ASIC2: variants seen among roughly 807,000 people sequenced by gnomAD.
ASIC2 encodes the protein acid-sensing ion channel 2.
In ASIC2, 25 loss-of-function variants were observed where a neutral mutation model predicts 57.3. The observed-to-expected ratio is 0.44, with a 90% confidence interval of 0.32 to 0.61. The LOEUF is 0.61. Ranked by LOEUF, ASIC2 falls within the 20% of genes least tolerant of loss-of-function variation. The probability of loss-of-function intolerance (pLI) is 0.06; values close to 1 mark genes in which losing one functional copy is unlikely to be tolerated. For synonymous variants in ASIC2, 319 were observed against 307.5 expected, an observed-to-expected ratio of 1.04 and a Z score of -0.39; for missense variants, 641 against 738.1, an observed-to-expected ratio of 0.87 and a Z score of 1.52.
intron 1 of ASIC2, among the ~76,000 whole-genome samples, chr17:33,258,719 A>C (rs2142141548): frequency 6.6e-6 from 1 of 152,328 alleles, no homozygotes; most frequent in South Asian, 2.1e-4. Flanking sequence ...CAAGACATAT[A>C]CAATGTTCTC....
At chr17:33,998,195 T>C (rs1472478244) in intron 1 of ASIC2, among the ~76,000 whole-genome samples, 6 of 152,140 alleles carry the variant, frequency 3.9e-5, no homozygotes, top group Non-Finnish European at 7.4e-5. Context: ...CTCATAGTAC[T>C]CCCTTATGAT....
intron 1 of ASIC2, among the ~76,000 whole-genome samples, chr17:33,236,663 G>A (rs565810934): frequency 6.6e-6 from 1 of 152,198 alleles, no homozygotes; most frequent in South Asian, 2.1e-4. Flanking sequence ...CTTTAGAGAT[G>A]TAATTAGTTG....
intron 1 of ASIC2, among the ~76,000 whole-genome samples, chr17:33,959,751 G>A (rs1035867870): frequency 2.0e-5 from 3 of 152,208 alleles, no homozygotes; most frequent in African/African-American, 7.2e-5. Context: ...TTGAAGGTTG[G>A]TCTGCCTCTC....
At chr17:33,651,810 C>A (rs983891046) in intron 1 of ASIC2, among the ~76,000 whole-genome samples, 2 of 152,176 alleles carry the variant, frequency 1.3e-5, no homozygotes, top group African/African-American at 4.8e-5. Context: ...GCAGACAGCT[C>A]CTTCAAGCCA....
intron 1 of ASIC2, among the ~76,000 whole-genome samples, chr17:33,796,565 T>C (rs1034417133): frequency 1.3e-5 from 2 of 152,192 alleles, no homozygotes; most frequent in Non-Finnish European, 2.9e-5. Flanking sequence ...AGGCTAAAAC[T>C]GTAGTGAACA....
At chr17:34,030,416 C>T (rs1237234165) in intron 1 of ASIC2, among the ~76,000 whole-genome samples, 1 of 152,242 alleles carries the variant, frequency 6.6e-6, no homozygotes, top group Non-Finnish European at 1.5e-5. Flanking sequence ...CGGTCTACAG[C>T]TCCCAGCTTG....
At chr17:33,330,245 C>A (rs1308273102) in intron 1 of ASIC2, among the ~76,000 whole-genome samples, 1 of 152,090 alleles carries the variant, frequency 6.6e-6, no homozygotes, top group Non-Finnish European at 1.5e-5. Flanking sequence ...AGACTCCTCA[C>A]CCCATCTGCT....
chr17:33,479,947 T>A (rs1296766478), intron 1 of ASIC2, among the ~76,000 whole-genome samples: 2 of 152,150 alleles, frequency 1.3e-5, no homozygotes, highest in East Asian at 3.8e-4. Context: ...TGCTAAATAA[T>A]AGGGGTGATC....
intron 1 of ASIC2, among the ~76,000 whole-genome samples, chr17:33,734,649 G>A (rs1909855245): frequency 6.6e-6 from 1 of 152,142 alleles, no homozygotes; most frequent in Admixed American, 6.5e-5. Flanking sequence ...TGTAATTAAG[G>A]TTAAATGAGG....
chr17:33,789,635 G>T (rs985099075), intron 1 of ASIC2, among the ~76,000 whole-genome samples: 1 of 151,788 alleles, frequency 6.6e-6, no homozygotes, highest in African/African-American at 2.4e-5. Flanking sequence ...AATCAGTATT[G>T]TCTTTTTCCA....
intron 1 of ASIC2, among the ~76,000 whole-genome samples, chr17:33,185,952 G>A (rs1207582340): frequency 2.0e-5 from 3 of 152,180 alleles, no homozygotes; most frequent in Non-Finnish European, 4.4e-5. Flanking sequence ...AAGCATAAAA[G>A]CAAGGGTCTG....
intron 1 of ASIC2, among the ~76,000 whole-genome samples, chr17:33,968,249 T>C (rs1251589952): frequency 6.6e-6 from 1 of 152,164 alleles, no homozygotes; most frequent in Non-Finnish European, 1.5e-5. Context: ...CCTGCTACAC[T>C]GATCCAAATA....
chr17:33,308,180 G>A lies in ASIC2; in HGVS notation c.556-196113C>T, dbSNP rs1325405516. 2.6e-5 allele frequency among the ~76,000 whole-genome samples: 4 copies of A among 152,202 alleles called. No individual in the cohort carries two copies. In the East Asian group the frequency reaches 7.7e-4, roughly 29 times the overall value. Reference sequence around the variant, plus strand: ...GGGATAGAAAACTAAGCTAATTAAGGAGAGTGATTCAATGGCCTTCAGCTT... The same window carrying A: ...GGGATAGAAAACTAAGCTAATTAAGAAGAGTGATTCAATGGCCTTCAGCTT... On this transcript the variant is annotated intron_variant, in intron 1 of 9. Coordinates refer to the ASIC2 transcript ENST00000359872.
At chr17:33,141,439 T>C (rs1904318219) in intron 1 of ASIC2, among the ~76,000 whole-genome samples, 1 of 152,208 alleles carries the variant, frequency 6.6e-6, no homozygotes, top group African/African-American at 2.4e-5. Flanking sequence ...TAGGTTTTCC[T>C]GGCAAGGAAA....
intron 1 of ASIC2, among the ~76,000 whole-genome samples, chr17:33,311,197 C>T (rs1223613016): frequency 6.6e-6 from 1 of 152,196 alleles, no homozygotes; most frequent in Admixed American, 6.5e-5. Context: ...TTTTTTCAAC[C>T]ATGCTTCTAG....
At chr17:33,412,610 T>C (rs777291158) in intron 1 of ASIC2, among the ~76,000 whole-genome samples, 72 of 152,328 alleles carry the variant, frequency 4.7e-4, no homozygotes, top group Non-Finnish European at 8.7e-4. Context: ...GAAATAGTCA[T>C]GATGAGGCAA....
At chr17:33,037,295 C>T (rs2091912826) in intron 3 of ASIC2, among the ~76,000 whole-genome samples, 1 of 151,636 alleles carries the variant, frequency 6.6e-6, no homozygotes, top group Non-Finnish European at 1.5e-5. Flanking sequence ...TTCTCTTCTA[C>T]TAAAATGGGT....
In ASIC2 at chr17:33,793,731, T is replaced by G. The variant is rs376571411; in HGVS notation, c.555+362247A>C. The G allele has an allele frequency of 3.9e-5, 6 of 152,334 alleles. No individual in the cohort carries two copies. In the East Asian group the frequency reaches 9.6e-4, roughly 24 times the overall value. The allele number at this position is 152,334 out of a possible 1,614,324, so 9.4% of individuals were successfully genotyped here. ...CCTGGTGATGGTGAAAAGAAGGACGTGGTCAGTCTGCTTTCATTGAATGCT... is the reference window on the plus strand; with the variant it reads ...CCTGGTGATGGTGAAAAGAAGGACGGGGTCAGTCTGCTTTCATTGAATGCT... On this transcript the variant is annotated intron_variant, in intron 1 of 9. Transcript: ENST00000359872.
chr17:33,781,015 G>A (rs1333919790), intron 1 of ASIC2, among the ~76,000 whole-genome samples: 1 of 152,280 alleles, frequency 6.6e-6, no homozygotes, highest in African/African-American at 2.4e-5. Context: ...GAGGATCGGG[G>A]GTAATGAGCA....
Sources: allele counts gnomAD v4.1 joint callset (sites outside exome capture counted in the v4.1 genomes callset), GRCh38; gene constraint gnomAD v4.1.1; transcripts MANE v1.5; gene names NCBI Gene and HGNC (gene_info 2026-07-23, HGNC 2026-07-21).